Variants in RBFOX1 observed in about 807,000 individuals in gnomAD.
RBFOX1 encodes the protein RNA binding fox-1 homolog 1.
A neutral mutation model predicts 57.7 loss-of-function variants in RBFOX1; 8 were observed. The observed-to-expected ratio is 0.14, with a 90% CI of 0.08 to 0.25. The LOEUF is 0.25. RBFOX1 is among the 10% of genes least tolerant of loss of function. The pLI, the probability that RBFOX1 is intolerant of heterozygous loss-of-function variation, is 1.00. For synonymous variants in RBFOX1, 326 were observed against 222.4 expected (o/e 1.47, Z -4.15); for missense variants, 611 against 548.5 (o/e 1.11, Z -1.14).
intron 2 of RBFOX1, among the ~76,000 whole-genome samples, chr16:5,549,423 C>G (rs979557285): frequency 1.3e-4 from 20 of 152,158 alleles, no homozygotes; most frequent in African/African-American, 4.3e-4. Flanking sequence ...AGGAATTTTT[C>G]TATTTCAGAG....
At chr16:7,012,839 G>T (rs1281127965) in intron 3 of RBFOX1, among the ~76,000 whole-genome samples, 2 of 152,158 alleles carry the variant, frequency 1.3e-5, no homozygotes, top group Non-Finnish European at 2.9e-5. Context: ...AAATGCCGTA[G>T]ACTGGGTGGC....
At chr16:5,884,478 G>GC (rs1222854200) in intron 4 of RBFOX1, among the ~76,000 whole-genome samples, 1 of 19,646 alleles carries the variant, frequency 5.1e-5, no homozygotes, top group Non-Finnish European at 1.3e-4. Flanking sequence ...CCCTACCCCC[G>GC]CCCCCGGCTA....
intron 4 of RBFOX1, among the ~76,000 whole-genome samples, chr16:7,166,020 G>T (rs1338367342): frequency 6.6e-6 from 1 of 150,784 alleles, no homozygotes; most frequent in Non-Finnish European, 1.5e-5. Flanking sequence ...TATTTTTGTT[G>T]TTGTTGTTGT....
intron 4 of RBFOX1, among the ~76,000 whole-genome samples, chr16:5,877,030 A>G (rs1448181323): frequency 7.2e-5 from 11 of 152,180 alleles, no homozygotes; most frequent in Non-Finnish European, 7.3e-5. Context: ...TCCCAGGCCA[A>G]GGGCAAAGAT....
chr16:5,859,303 C>T (rs1225424572), intron 3 of RBFOX1, among the ~76,000 whole-genome samples: 3 of 152,192 alleles, frequency 2.0e-5, no homozygotes, highest in African/African-American at 7.2e-5. Flanking sequence ...GTTAGGACTT[C>T]TGCTACTGTT....
chr16:5,740,993 G>A (rs1001503658), intron 3 of RBFOX1, among the ~76,000 whole-genome samples: 2 of 152,050 alleles, frequency 1.3e-5, no homozygotes, highest in African/African-American at 4.8e-5. Flanking sequence ...GGTTAAAGGA[G>A]GCAGGTGGTA....
At chr16:7,579,336 C>T (rs191930504) in intron 5 of RBFOX1, among the ~76,000 whole-genome samples, 139 of 152,238 alleles carry the variant, frequency 9.1e-4, no homozygotes, top group African/African-American at 3.1e-3. Context: ...TTCTGAACAG[C>T]GTCGGTTAAG....
chr16:6,864,747 A>G (rs745620121), intron 3 of RBFOX1, among the ~76,000 whole-genome samples: 1 of 152,058 alleles, frequency 6.6e-6, no homozygotes, highest in Non-Finnish European at 1.5e-5. Context: ...TGCTCTGTTC[A>G]ACCTGTATTT....
chr16:6,372,369 G>T (rs1374050840), intron 2 of RBFOX1, among the ~76,000 whole-genome samples: 1 of 151,472 alleles, frequency 6.6e-6, no homozygotes, highest in African/African-American at 2.4e-5. Context: ...AAGGATGGTT[G>T]GTTAGGATCT....
rs1359388382 is a variant in RBFOX1, at chr16:7,711,579, T to TA, written c.*840dup. ...AAAAATAACATTAATAAAAAGGTGATAAAAAAGCACTGTTTCTATTTTTTT... is the reference window on the plus strand; with the variant it reads ...AAAAATAACATTAATAAAAAGGTGATAAAAAAAGCACTGTTTCTATTTTTTT... On this transcript the variant is annotated 3_prime_UTR_variant, in exon 16 of 16. Coordinates refer to ENST00000550418, the MANE Select transcript of RBFOX1 (RefSeq NM_018723.4). 4.6e-5 allele frequency: 7 copies of TA among 152,526 alleles called. No individual in the cohort carries two copies. The highest frequency in any genetic ancestry group is 5.9e-5 in the Non-Finnish European group (4 of 68,014). 9.4% of individuals were successfully genotyped at this position (152,526 alleles called of 1,614,324 possible).
At chr16:6,372,377 T>A (rs2090559970) in intron 2 of RBFOX1, among the ~76,000 whole-genome samples, 1 of 149,216 alleles carries the variant, frequency 6.7e-6, no homozygotes, top group Admixed American at 6.7e-5. Flanking sequence ...TTGGTTAGGA[T>A]CTTTGGGTAG....
In RBFOX1 at chr16:7,092,904, C is replaced by T. The variant is rs188557884; in HGVS notation, c.27+40806C>T. ...TCTTTCCGCCTTGGTGCACTGGAGG[C>T]CTAAGTGTCATCTGTTTTTTTCCAA... On this transcript the variant is annotated intron_variant, in intron 4 of 15. Transcript: ENST00000550418. 1.6e-4 allele frequency among the ~76,000 whole-genome samples: 24 copies of T among 152,290 alleles called. No individual in the cohort carries two copies. In the East Asian group the frequency reaches 4.6e-3, roughly 29 times the overall value.
chr16:6,130,247 C>T (rs2096620312), intron 1 of RBFOX1, among the ~76,000 whole-genome samples: 1 of 152,036 alleles, frequency 6.6e-6, no homozygotes, highest in African/African-American at 2.4e-5. Context: ...TTTATGACTA[C>T]TGTGCAAATG....
At position 5,994,221 on chromosome 16, in the gene RBFOX1, G is replaced by T. The variant is rs2060454069; in HGVS notation, c.351+126886G>T. ...CTGTCACCCAGGTTGAAGTACAGTG[G>T]TGCAATCTTGGCTCACTGCAACCTC... On this transcript the variant is annotated intron_variant, in intron 4 of 19. Coordinates refer to the RBFOX1 transcript ENST00000641259. Among the ~76,000 whole-genome samples, 3 of 152,194 alleles carry T rather than the reference G, an allele frequency of 2.0e-5. No individual in the cohort carries two copies. The South Asian group carries it at 6.2e-4, about 32-fold the overall frequency.
intron 4 of RBFOX1, among the ~76,000 whole-genome samples, chr16:7,290,720 G>C (rs2095753229): frequency 6.6e-6 from 1 of 152,210 alleles, no homozygotes; most frequent in Non-Finnish European, 1.5e-5. Context: ...GTTCTCATGG[G>C]ACATGTGCGT....
intron 3 of RBFOX1, among the ~76,000 whole-genome samples, chr16:7,046,927 A>G (rs560373177): frequency 2.0e-5 from 3 of 151,728 alleles, no homozygotes; most frequent in Admixed American, 6.6e-5. Context: ...TAACTTCCGT[A>G]TTGTATATCC....
At chr16:7,564,425 C>G (rs2091191077) in intron 5 of RBFOX1, among the ~76,000 whole-genome samples, 2 of 150,554 alleles carry the variant, frequency 1.3e-5, no homozygotes, top group Non-Finnish European at 1.5e-5. Context: ...CCTGTAATCT[C>G]AAGTACTCAG....
rs1469725960 is a variant in RBFOX1 at position 6,019,463 on chromosome 16, G to A, written c.-656G>A. 3.0e-6 allele frequency: 3 copies of A among 994,706 alleles called. No homozygotes were observed. The highest frequency in any genetic ancestry group is 4.7e-5 in the South Asian group (1 of 21,360). The allele number at this position is 994,706 out of a possible 1,614,324, so 61.6% of individuals were successfully genotyped here. A position where few individuals can be genotyped will look rare whatever the true frequency, so the allele number is the denominator to read the frequency against. On this transcript the variant is annotated 5_prime_UTR_variant, in exon 1 of 16. Coordinates refer to ENST00000550418, the MANE Select transcript of RBFOX1 (RefSeq NM_018723.4). The surrounding 1 kb of genome is among the most constrained non-coding windows in gnomAD (Gnocchi z 4.2). ...GTCGGGTGGGGAAACCCGAACTCGC[G>A]GAGGGGAATCCCTCCCCCTCCGCCC...
intron 2 of RBFOX1, among the ~76,000 whole-genome samples, chr16:5,588,729 C>T (rs1214163486): frequency 6.6e-6 from 1 of 152,194 alleles, no homozygotes; most frequent in East Asian, 1.9e-4. Context: ...ATCACTCTGG[C>T]TGTCAAGAAT....
Sources: gnomAD v4.1 joint callset for allele counts (sites outside exome capture counted in the v4.1 genomes callset) on GRCh38, gnomAD v4.1.1 for gene constraint, Gnocchi (gnomAD v3.1) non-coding constraint, MANE v1.5 for transcripts, NCBI Gene and HGNC (gene_info 2026-07-23, HGNC 2026-07-21) for gene names.